Variants in SYT14 observed in about 807,000 individuals in gnomAD.
SYT14 encodes the protein synaptotagmin 14.
SYT14 carries 32 observed loss-of-function variants against 74.2 expected under a neutral mutation model. That is an observed-to-expected ratio of 0.43 (90% CI 0.33 to 0.58). The LOEUF is 0.58. Among genes scored for constraint, SYT14 ranks in the 20% least tolerant of loss-of-function variants. The pLI is 0.05. For missense variants in SYT14, 791 were observed against 981.8 expected (o/e 0.81, Z 2.60); for synonymous variants, 298 against 337.7 (o/e 0.88, Z 1.29).
At chr1:210,125,586 C>G (rs550876257) in intron 7 of SYT14, among the ~76,000 whole-genome samples, 1 of 152,116 alleles carries the variant, frequency 6.6e-6, no homozygotes, top group African/African-American at 2.4e-5. Flanking sequence ...TTTCAGTGTT[C>G]TAGGAGTCAT....
intron 7 of SYT14, among the ~76,000 whole-genome samples, chr1:210,131,180 T>A (rs2082666301): frequency 6.6e-6 from 1 of 152,288 alleles, no homozygotes; most frequent in African/African-American, 2.4e-5. Context: ...TGTGTTAATA[T>A]TATCATCATC....
Position 209,970,662 on chromosome 1 carries a change from C to CT in SYT14, c.-486+17945dup, listed in dbSNP as rs35639848. 4.4e-3 allele frequency among the ~76,000 whole-genome samples: 274 copies of CT among 62,800 alleles called. 68 individuals carry two copies. The highest frequency in any genetic ancestry group is 5.2e-3 in the Non-Finnish European group (185 of 35,330). 41.2% of individuals were successfully genotyped at this position (62,800 alleles called of 152,430 possible). On this transcript the variant is annotated intron_variant, in intron 2 of 9. Coordinates refer to ENST00000637265, the Ensembl canonical transcript of SYT14. The stretch of plus-strand genomic sequence containing the variant: ...TTACAGATTGCTTTGGGCAGTATGG[C>CT]TTTTTTTTTTTTTTTTTTTTTTTTT...
chr1:210,011,562 C>T (rs1179054029), intron 2 of SYT14, among the ~76,000 whole-genome samples: 1 of 152,172 alleles, frequency 6.6e-6, no homozygotes, highest in Non-Finnish European at 1.5e-5. Context: ...TACTGCAACA[C>T]CATTGACCCA....
At chr1:210,038,284 CT>C (rs1274324698) in intron 5 of SYT14, among the ~76,000 whole-genome samples, 3 of 152,080 alleles carry the variant, frequency 2.0e-5, no homozygotes, top group Non-Finnish European at 4.4e-5. Context: ...TTTTCCACTT[CT>C]TCACCTTCAG....
intron 7 of SYT14, among the ~76,000 whole-genome samples, chr1:210,137,866 A>T (rs1423444455): frequency 6.6e-6 from 1 of 152,194 alleles, no homozygotes; most frequent in Middle Eastern, 3.4e-3. Context: ...TTTTTAGTAG[A>T]GACGGGGTTT....
At chr1:210,045,099 A>G (rs1165320423) in intron 5 of SYT14, among the ~76,000 whole-genome samples, 1 of 152,196 alleles carries the variant, frequency 6.6e-6, no homozygotes, top group African/African-American at 2.4e-5. Context: ...ATCTACTTTC[A>G]GAATATTTAC....
chr1:210,151,993 G>GA (rs1040996842), intron 7 of SYT14, among the ~76,000 whole-genome samples: 6 of 152,074 alleles, frequency 3.9e-5, no homozygotes, highest in African/African-American at 1.4e-4. Context: ...ACTATATTGT[G>GA]AAAAATGTAT....
chr1:210,086,651 A>AC (rs1409262161), intron 5 of SYT14, among the ~76,000 whole-genome samples: 1 of 152,198 alleles, frequency 6.6e-6, no homozygotes, highest in African/African-American at 2.4e-5. Flanking sequence ...AGAAGCCAAG[A>AC]CCCAGGCGCT....
chr1:209,965,068 G>A (rs774257517), intron 2 of SYT14, among the ~76,000 whole-genome samples: 2 of 152,084 alleles, frequency 1.3e-5, no homozygotes, highest in Non-Finnish European at 2.9e-5. Context: ...ATGTTTTGAC[G>A]AAGGCTATTT....
intron 7 of SYT14, among the ~76,000 whole-genome samples, chr1:210,139,878 A>T (rs751007344): frequency 6.6e-6 from 1 of 152,112 alleles, no homozygotes; most frequent in African/African-American, 2.4e-5. Flanking sequence ...TCATCTTTTC[A>T]TTCATTGACA....
At chr1:209,972,506 T>G (rs1163890110) in intron 2 of SYT14, among the ~76,000 whole-genome samples, 1 of 152,146 alleles carries the variant, frequency 6.6e-6, no homozygotes, top group African/African-American at 2.4e-5. Context: ...TTCCTCTTAA[T>G]ACTGCTTTTG....
intron 7 of SYT14, among the ~76,000 whole-genome samples, chr1:210,139,109 CAG>C (rs1157688390): frequency 3.5e-5 from 5 of 144,760 alleles, no homozygotes; most frequent in African/African-American, 7.7e-5. Context: ...TTTTTTGAGA[CAG>C]AGTCTTGCTC....
At chr1:210,108,858 A>C (rs1218791823) in intron 7 of SYT14, among the ~76,000 whole-genome samples, 8 of 152,270 alleles carry the variant, frequency 5.3e-5, no homozygotes, top group African/African-American at 1.9e-4. Flanking sequence ...GTAGCTAAGC[A>C]AGAAGTGTTG....
intron 1 of SYT14, among the ~76,000 whole-genome samples, chr1:209,951,799 G>A (rs1175327505): frequency 6.6e-6 from 1 of 152,120 alleles, no homozygotes; most frequent in Non-Finnish European, 1.5e-5. Context: ...ATTCTATATG[G>A]AAATGAAAAG....
At chr1:209,985,658 G>T (rs112238582) in intron 2 of SYT14, among the ~76,000 whole-genome samples, 268 of 152,334 alleles carry the variant, frequency 1.8e-3, no homozygotes, top group African/African-American at 5.5e-3. Flanking sequence ...TTTTCCCTCT[G>T]CACTGCTCTA....
intron 7 of SYT14, among the ~76,000 whole-genome samples, chr1:210,149,834 G>A (rs1219640071): frequency 6.6e-6 from 1 of 152,082 alleles, no homozygotes; most frequent in Non-Finnish European, 1.5e-5. Context: ...ACTTACAATT[G>A]GAGCAACAGC....
At chr1:210,038,704 TG>T (rs1217066976) in intron 5 of SYT14, among the ~76,000 whole-genome samples, 1 of 152,152 alleles carries the variant, frequency 6.6e-6, no homozygotes, top group Non-Finnish European at 1.5e-5. Context: ...AACAAATTCA[TG>T]GTTGACAGTT....
At chr1:210,006,720 T>C (rs1052563489) in intron 2 of SYT14, among the ~76,000 whole-genome samples, 4 of 151,924 alleles carry the variant, frequency 2.6e-5, no homozygotes, top group African/African-American at 9.7e-5. Context: ...TTTTGTTTAA[T>C]TTTGCATTTA....
At chr1:209,966,060 C>A (rs139764717) in intron 2 of SYT14, 1 of 392,026 alleles carries the variant, frequency 2.6e-6, no homozygotes, top group South Asian at 1.9e-5. Context: ...TTAGTAGAGA[C>A]GGGGTTTCAC....
Sources: allele counts gnomAD v4.1 joint callset (sites outside exome capture counted in the v4.1 genomes callset), GRCh38; gene constraint gnomAD v4.1.1; transcripts MANE v1.5; gene names NCBI Gene and HGNC (gene_info 2026-07-23, HGNC 2026-07-21).